The following GNA15 variants were observed in gnomAD, a reference collection of about 807,000 sequenced individuals.
GNA15 encodes the protein guanine nucleotide-binding protein subunit alpha-15.
A neutral mutation model predicts 40.1 loss-of-function variants in GNA15; 23 were observed. The observed-to-expected ratio is 0.57, with a 90% CI of 0.41 to 0.81. The LOEUF (loss-of-function observed/expected upper bound fraction) is 0.81, where lower values mean the gene tolerates loss of function less well. GNA15 is among the 40% of genes least tolerant of loss of function. GNA15 has a pLI of 0.00. For synonymous variants in GNA15, 226 were observed against 210.4 expected (o/e 1.07, Z -0.64); for missense variants, 522 against 515.8 (o/e 1.01, Z -0.12).
intron 1 of GNA15, among the ~76,000 whole-genome samples, chr19:3,147,705 T>TG (rs1469351006): frequency 6.6e-6 from 1 of 151,410 alleles, no homozygotes; most frequent in Non-Finnish European, 1.5e-5. Context: ...AAGACCACGG[T>TG]GAAACCCCGT....
rs1914991460 is a variant in GNA15, at chr19:3,155,568, AG to A, written c.615-254del. ...ACCTGCTCCCCTCTAATATGGGGGT[AG>A]AAAGCAGGCAGCCCAGCACAGTAGA... On this transcript the variant is annotated intron_variant, in intron 4 of 6. Coordinates refer to ENST00000262958, the MANE Select transcript of GNA15 (RefSeq NM_002068.4). This position sits in a 1 kb window ranked among gnomAD's most constrained non-coding sequence, Gnocchi z 5.6. 6.6e-6 allele frequency among the ~76,000 whole-genome samples: 1 copy of A among 152,224 alleles called. No homozygotes were observed. The highest frequency in any genetic ancestry group is 2.4e-5 in the African/African-American group (1 of 41,458).
At chr19:3,144,196 T>G (rs1056551039) in intron 1 of GNA15, among the ~76,000 whole-genome samples, 4 of 150,868 alleles carry the variant, frequency 2.7e-5, no homozygotes, top group African/African-American at 9.8e-5. Context: ...ACTCCAGCTC[T>G]TAGCTCACCA....
chr19:3,149,252 C>T (rs1005794726), intron 2 of GNA15: 3 of 164,068 alleles, frequency 1.8e-5, no homozygotes, highest in Non-Finnish European at 4.0e-5. Context: ...CAAACACACA[C>T]AAGAATGCAT....
intron 1 of GNA15, among the ~76,000 whole-genome samples, chr19:3,144,973 T>G (rs1368846000): frequency 6.6e-6 from 1 of 150,698 alleles, no homozygotes; most frequent in Non-Finnish European, 1.5e-5. Context: ...GGATTACAGG[T>G]GCGCGCCACC....
chr19:3,148,806 G>C (rs753056018), intron 2 of GNA15, 31 bp downstream of exon 2: 1 of 1,553,698 alleles, frequency 6.4e-7, no homozygotes, highest in East Asian at 2.3e-5. Flanking sequence ...GGGGCCCAGG[G>C]CAGGCAGGGG....
intron 4 of GNA15, among the ~76,000 whole-genome samples, chr19:3,154,689 GGATA>G (rs529013131): frequency 2.7e-4 from 40 of 150,648 alleles, no homozygotes; most frequent in East Asian, 1.8e-3. Flanking sequence ...ATGGGTAGAT[GGATA>G]GATGGATGGA....
chr19:3,148,661 G>T lies in GNA15; in HGVS notation c.216G>T (p.Glu72Asp). 1 of 1,592,064 alleles carries T rather than the reference G, an allele frequency of 6.3e-7. No individual in the cohort carries two copies. The highest frequency in any genetic ancestry group is 2.3e-5 in the East Asian group (1 of 43,924). Residue 72 changes from glutamate (E) to aspartate (D), a missense_variant, in exon 2 of 7, where the codon GAG becomes GAT. Glu to Asp is a conservative substitution (Grantham distance 45, BLOSUM62 2). Coordinates refer to ENST00000262958, the MANE Select transcript of GNA15 (RefSeq NM_002068.4). ...MRIIHGAGYS[E>D]EERKGFRPLV... ...TCATCCACGGCGCCGGCTACTCGGA[G>T]GAGGAGCGCAAGGGCTTCCGGCCCC...
At chr19:3,159,365 A>G (rs1276021438) in intron 6 of GNA15, among the ~76,000 whole-genome samples, 111 of 58,560 alleles carry the variant, frequency 1.9e-3, no homozygotes, top group African/African-American at 7.9e-3. Context: ...TTTTTTTTTG[A>G]GATGGAGTTT....
intron 5 of GNA15, 22 bp from the exon 6 acceptor site, chr19:3,157,706 C>G: frequency 6.2e-7 from 1 of 1,608,216 alleles, no homozygotes; most frequent in Non-Finnish European, 8.5e-7. Flanking sequence ...GAAGCACTAA[C>G]CTGCTTCTGC....
intron 4 of GNA15, chr19:3,154,925 G>A (rs762317997): frequency 1.3e-5 from 2 of 152,134 alleles, no homozygotes; most frequent in Non-Finnish European, 2.9e-5. Context: ...ACTGAGACCC[G>A]AGATGAGAGG....
chr19:3,145,501 A>G (rs1229964866), intron 1 of GNA15, among the ~76,000 whole-genome samples: 1 of 130,124 alleles, frequency 7.7e-6, no homozygotes, highest in African/African-American at 2.9e-5. Context: ...CCAAGCATAT[A>G]CACTGTTTTC....
intron 1 of GNA15, among the ~76,000 whole-genome samples, chr19:3,143,886 C>T (rs1046327588): frequency 7.3e-5 from 11 of 151,442 alleles, no homozygotes; most frequent in Non-Finnish European, 1.3e-4. Flanking sequence ...TTTGGGAGGA[C>T]GAGGCGGGTG....
chr19:3,157,124 A>T (rs1325161641), intron 5 of GNA15, among the ~76,000 whole-genome samples: 1 of 151,808 alleles, frequency 6.6e-6, no homozygotes, highest in Non-Finnish European at 1.5e-5. Flanking sequence ...CAGCCTCCCG[A>T]GTAGCTGGGT....
intron 6 of GNA15, among the ~76,000 whole-genome samples, chr19:3,158,373 C>T (rs1049846349): frequency 8.6e-5 from 13 of 151,884 alleles, no homozygotes; most frequent in Non-Finnish European, 1.5e-4. Context: ...AGGATAGTCT[C>T]GATCACTTGA....
chr19:3,147,343 A>G (rs2144849064), intron 1 of GNA15, among the ~76,000 whole-genome samples: 1 of 148,884 alleles, frequency 6.7e-6, no homozygotes, highest in South Asian at 2.2e-4. Context: ...ACTTGAGCCC[A>G]GGAATTTGAG....
chr19:3,156,669 T>C (rs1225355014), intron 5 of GNA15, among the ~76,000 whole-genome samples: 1 of 152,010 alleles, frequency 6.6e-6, no homozygotes, highest in Admixed American at 6.5e-5. Flanking sequence ...ATTTTTTTTT[T>C]GTATTCTTAG....
At chr19:3,139,301 T>G (rs1297553471) in intron 1 of GNA15, among the ~76,000 whole-genome samples, 1 of 151,972 alleles carries the variant, frequency 6.6e-6, no homozygotes, top group Admixed American at 6.6e-5. Context: ...TAAAAGAATA[T>G]CTCAGCAGGG....
intron 1 of GNA15, chr19:3,141,930 G>C (rs1281526090): frequency 2.6e-5 from 4 of 152,394 alleles, no homozygotes; most frequent in Admixed American, 2.6e-4. Context: ...GGATTGATTG[G>C]GGGTCAGCAG....
At position 3,151,450 on chromosome 19, in the gene GNA15, A is replaced by G. The variant is rs1914879075; in HGVS notation, c.486-257A>G. On this transcript the variant is annotated intron_variant, in intron 3 of 6. Transcript: ENST00000262958. The surrounding 1 kb of genome is among the most constrained non-coding windows in gnomAD (Gnocchi z 5.0). ...TGCCATAGCAGCTCTCCCGGGGGACACCACTCCTCGATGAGGCCATTCCTC... is the reference window on the plus strand; with the variant it reads ...TGCCATAGCAGCTCTCCCGGGGGACGCCACTCCTCGATGAGGCCATTCCTC... Among the ~76,000 whole-genome samples, 1 of 152,070 alleles carries G rather than the reference A, an allele frequency of 6.6e-6. No individual in the cohort carries two copies.
Sources: gnomAD v4.1 joint callset for allele counts (sites outside exome capture counted in the v4.1 genomes callset) on GRCh38, gnomAD v4.1.1 for gene constraint, Gnocchi (gnomAD v3.1) non-coding constraint, MANE v1.5 for transcripts, NCBI Gene and HGNC (gene_info 2026-07-23, HGNC 2026-07-21) for gene names.